The following KIAA0825 variants were observed in gnomAD, a reference collection of about 807,000 sequenced individuals.
KIAA0825 encodes KIAA0825.
Under a neutral mutation model 147.6 loss-of-function variants are expected in KIAA0825, and 119 were observed. The ratio of observed to expected loss-of-function variants is 0.81; its 90% confidence interval spans 0.69 to 0.94. KIAA0825 has a LOEUF of 0.94. Among genes scored for constraint, KIAA0825 ranks in the 40% least tolerant of loss-of-function variants. The probability of loss-of-function intolerance (pLI) is 0.00; values close to 1 mark genes in which losing one functional copy is unlikely to be tolerated. For synonymous variants in KIAA0825, 470 were observed against 518.1 expected, an observed-to-expected ratio of 0.91 and a Z score of 1.26; for missense variants, 1,381 against 1,472.7, an observed-to-expected ratio of 0.94 and a Z score of 1.02.
chr5:94,356,003 G>A (rs1784202339), intron 20 of KIAA0825, among the ~76,000 whole-genome samples: 1 of 152,182 alleles, frequency 6.6e-6, no homozygotes, highest in African/African-American at 2.4e-5. Flanking sequence ...TGGTTGGGAA[G>A]CAGATTTTCA....
intron 20 of KIAA0825, among the ~76,000 whole-genome samples, chr5:94,327,349 A>AG (rs1780800534): frequency 6.6e-6 from 1 of 151,952 alleles, no homozygotes. Context: ...TACTTTATGA[A>AG]GAAAAAAAAA....
At chr5:94,342,633 A>G (rs1287188497) in intron 20 of KIAA0825, among the ~76,000 whole-genome samples, 1 of 152,160 alleles carries the variant, frequency 6.6e-6, no homozygotes, top group African/African-American at 2.4e-5. Context: ...AAATTGTCCA[A>G]AAGTTTACCC....
intron 2 of KIAA0825, among the ~76,000 whole-genome samples, chr5:94,544,456 A>T (rs1000540523): frequency 6.6e-6 from 1 of 152,078 alleles, no homozygotes; most frequent in Non-Finnish European, 1.5e-5. Context: ...AGTTGGCATT[A>T]CTCCAGGGAA....
At chr5:94,593,474 A>T in intron 1 of KIAA0825, 1 of 676,972 alleles carries the variant, frequency 1.5e-6, no homozygotes, top group Non-Finnish European at 2.7e-6. Flanking sequence ...AGAATGGTAC[A>T]GTTTCTTCGA....
intron 20 of KIAA0825, among the ~76,000 whole-genome samples, chr5:94,164,594 G>T (rs1333862393): frequency 6.6e-6 from 1 of 151,938 alleles, no homozygotes; most frequent in East Asian, 1.9e-4. Context: ...TGTATTTTTA[G>T]TAGAGATGGG....
chr5:94,361,660 C>T (rs1026632788), intron 20 of KIAA0825, among the ~76,000 whole-genome samples: 1 of 152,142 alleles, frequency 6.6e-6, no homozygotes, highest in African/African-American at 2.4e-5. Flanking sequence ...TATGAACAAG[C>T]ATCTATATGT....
chr5:94,153,228 C>T lies in KIAA0825; in HGVS notation c.*779G>A, dbSNP rs751600297. The T allele has an allele frequency of 5.9e-5, 9 of 151,518 alleles. No homozygotes were observed. Among genetic ancestry groups the T allele is most frequent in the Non-Finnish European group, 1.0e-4 (7 of 67,944 alleles). The allele number at this position is 151,518 out of a possible 1,614,324, so 9.4% of individuals were successfully genotyped here. ...ACAATGAAAAAATTTTAAAGTAACA[C>T]ATTATATGAGCTAATGAGCTTTGGG... On this transcript the variant is annotated 3_prime_UTR_variant, in exon 21 of 21. Transcript: ENST00000682413.
At chr5:94,218,713 C>T (rs1020546707) in intron 20 of KIAA0825, among the ~76,000 whole-genome samples, 15 of 152,134 alleles carry the variant, frequency 9.9e-5, no homozygotes, top group African/African-American at 3.4e-4. Flanking sequence ...TGTGTCCTGC[C>T]TCTACCCTCT....
At chr5:94,278,021 C>A (rs943178475) in intron 20 of KIAA0825, among the ~76,000 whole-genome samples, 1 of 152,074 alleles carries the variant, frequency 6.6e-6, no homozygotes, top group Admixed American at 6.6e-5. Flanking sequence ...AACAGAAAAC[C>A]AAACACCACA....
intron 14 of KIAA0825, among the ~76,000 whole-genome samples, chr5:94,418,788 G>A (rs1250218648): frequency 6.6e-6 from 1 of 152,060 alleles, no homozygotes; most frequent in East Asian, 1.9e-4. Context: ...GAAAAGGAGA[G>A]AAGATTCCTA....
chr5:94,606,015 T>C (rs554635841), intron 1 of KIAA0825, among the ~76,000 whole-genome samples: 4 of 152,298 alleles, frequency 2.6e-5, no homozygotes, highest in East Asian at 1.9e-4. Context: ...GAAAACCCCA[T>C]AGTCTTAGCC....
chr5:94,420,479 G>A (rs1314867995), intron 14 of KIAA0825, among the ~76,000 whole-genome samples: 2 of 152,102 alleles, frequency 1.3e-5, no homozygotes, highest in Admixed American at 6.6e-5. Context: ...TCCAAACTAT[G>A]TATATGGTAT....
chr5:94,452,906 A>C, intron 13 of KIAA0825, 53 bp downstream of exon 13: 1 of 980,386 alleles, frequency 1.0e-6, no homozygotes, highest in Non-Finnish European at 1.4e-6. Context: ...TTTCTATTAA[A>C]TTTTAAAAGG....
Position 94,615,665 on chromosome 5 carries a change from T to C in KIAA0825, c.-153+2835A>G, listed in dbSNP as rs565944248. ...CCAGTCTTCTTTGCAGGACAGCACA[T>C]TGCCTTTTATGAATGAGTGTGGAGT... On this transcript the variant is annotated intron_variant, in intron 1 of 20. Coordinates refer to ENST00000682413, the MANE Select transcript of KIAA0825 (RefSeq NM_001145678.3). 51 of 152,282 alleles carry C rather than the reference T, an allele frequency of 3.3e-4. 1 individual carries two copies. Among genetic ancestry groups the C allele is most frequent in the Non-Finnish European group, 7.1e-4 (48 of 68,020 alleles). 9.4% of individuals were successfully genotyped at this position (152,282 alleles called of 1,614,324 possible).
At chr5:94,344,985 T>C (rs950813292) in intron 20 of KIAA0825, among the ~76,000 whole-genome samples, 1 of 152,150 alleles carries the variant, frequency 6.6e-6, no homozygotes, top group African/African-American at 2.4e-5. Flanking sequence ...AGATGGATGG[T>C]GGTAGTGATT....
chr5:94,529,356 A>ATATATCATATATATG (rs1770229538), intron 3 of KIAA0825, among the ~76,000 whole-genome samples: 1 of 143,788 alleles, frequency 7.0e-6, no homozygotes, highest in Non-Finnish European at 1.5e-5. Context: ...TCATATATGT[A>ATATATCATATATATG]TATATCATAT....
At chr5:94,171,181 A>C (rs1290025169) in intron 20 of KIAA0825, among the ~76,000 whole-genome samples, 2 of 152,292 alleles carry the variant, frequency 1.3e-5, no homozygotes, top group Non-Finnish European at 2.9e-5. Flanking sequence ...TTATGGGTGC[A>C]GGTCTTTCCT....
intron 20 of KIAA0825, among the ~76,000 whole-genome samples, chr5:94,328,487 T>C (rs1442404228): frequency 1.3e-5 from 2 of 152,168 alleles, no homozygotes; most frequent in Non-Finnish European, 1.5e-5. Context: ...TATTGCATTC[T>C]CTTGTCACTG....
chr5:94,434,800 C>T lies in KIAA0825; in HGVS notation c.2497+5182G>A, dbSNP rs964281140. Reference sequence around the variant, plus strand: ...CCCTTGAGCAATTACTAAATCATTCCCATGATAATGGTATTAATTCATTCA... The same window carrying T: ...CCCTTGAGCAATTACTAAATCATTCTCATGATAATGGTATTAATTCATTCA... On this transcript the variant is annotated intron_variant, in intron 14 of 20. Transcript: ENST00000682413. Among the ~76,000 whole-genome samples, 4 of 152,098 alleles carry T rather than the reference C, an allele frequency of 2.6e-5. No individual in the cohort carries two copies. In the South Asian group the frequency reaches 8.3e-4, roughly 32 times the overall value.
Sources: gnomAD v4.1 joint callset for allele counts (sites outside exome capture counted in the v4.1 genomes callset) on GRCh38, gnomAD v4.1.1 for gene constraint, MANE v1.5 for transcripts, NCBI Gene and HGNC (gene_info 2026-07-23, HGNC 2026-07-21) for gene names.